Variants in WSCD1 observed in about 807,000 individuals in gnomAD.
WSCD1 encodes the protein WSC domain sialate O sulfotransferase 1.
WSCD1 carries 41 observed loss-of-function variants against 60.4 expected under a neutral mutation model. The ratio of observed to expected loss-of-function variants is 0.68; its 90% confidence interval spans 0.53 to 0.88. The LOEUF (loss-of-function observed/expected upper bound fraction) is 0.88, where lower values mean the gene tolerates loss of function less well. Among genes scored for constraint, WSCD1 ranks in the 40% least tolerant of loss-of-function variants. WSCD1 has a pLI of 0.00. For missense variants in WSCD1, 784 were observed against 796.2 expected (o/e 0.98, Z 0.18); for synonymous variants, 361 against 332.5 (o/e 1.09, Z -0.93).
At chr17:6,070,926 G>A (rs1908503865) in intron 1 of WSCD1, among the ~76,000 whole-genome samples, 1 of 151,806 alleles carries the variant, frequency 6.6e-6, no homozygotes, top group South Asian at 2.1e-4. Context: ...GGTGCGCGAG[G>A]CGCCGCACGA....
At chr17:6,102,048 G>A (rs879393520) in intron 5 of WSCD1, among the ~76,000 whole-genome samples, 5 of 152,202 alleles carry the variant, frequency 3.3e-5, no homozygotes, top group African/African-American at 4.8e-5. Context: ...AGGGAGAGGA[G>A]GAAGAAAGGT....
rs769219594 is a variant in WSCD1, at chr17:6,120,565, G to T, written c.1632G>T (p.Glu544Asp). 1 of 1,613,788 alleles carries T rather than the reference G, an allele frequency of 6.2e-7. No homozygotes were observed. Among genetic ancestry groups the T allele is most frequent in the Non-Finnish European group, 8.5e-7 (1 of 1,180,008 alleles). The change falls in exon 9 of 9, where the codon GAG becomes GAT. Residue 544 changes from glutamate to aspartate, a missense_variant. Physicochemically the swap from Glu to Asp is conservative, Grantham distance 45. Coordinates refer to ENST00000317744, the MANE Select transcript of WSCD1 (RefSeq NM_015253.2). The part of the protein sequence containing the change: ...RSHDPEPFTP[E>D]MKDLINGYIR... ...ACGACCCTGAGCCCTTCACCCCGGA[G>T]ATGAAAGACTTGATCAATGGCTACA... is the stretch of plus-strand genomic sequence containing the variant.
At chr17:6,112,288 A>G (rs1455648501) in intron 7 of WSCD1, among the ~76,000 whole-genome samples, 1 of 152,200 alleles carries the variant, frequency 6.6e-6, no homozygotes, top group African/African-American at 2.4e-5. Context: ...CAAATTAGGT[A>G]TAGAGGGAAC....
intron 1 of WSCD1, among the ~76,000 whole-genome samples, chr17:6,070,898 C>T: frequency 9.8e-6 from 1 of 102,438 alleles, no homozygotes; most frequent in East Asian, 3.1e-4. Flanking sequence ...GCGCTCGGCG[C>T]GGCCGGGATG....
upstream of WSCD1, among the ~76,000 whole-genome samples, chr17:6,069,597 A>AC (rs1908399287): frequency 6.6e-6 from 1 of 151,172 alleles, no homozygotes; most frequent in Non-Finnish European, 1.5e-5. Flanking sequence ...CCGGCGGCCG[A>AC]CCCCCGAGTG....
At chr17:6,077,906 T>C (rs1012884614) in intron 1 of WSCD1, 2 of 152,224 alleles carry the variant, frequency 1.3e-5, no homozygotes, top group Admixed American at 6.5e-5. Context: ...CCCCTCCTCA[T>C]AGAATTACAT....
intron 1 of WSCD1, among the ~76,000 whole-genome samples, chr17:6,078,835 T>A (rs1171420894): frequency 6.6e-6 from 1 of 152,088 alleles, no homozygotes; most frequent in African/African-American, 2.4e-5. Flanking sequence ...GGTCCAAAGC[T>A]GGAGGCAGAG....
intron 2 of WSCD1, among the ~76,000 whole-genome samples, chr17:6,085,875 C>T (rs776918885): frequency 1.3e-5 from 2 of 152,134 alleles, no homozygotes; most frequent in Admixed American, 1.3e-4. Context: ...TGCAGTGGTC[C>T]GTGCTGGTGG....
intron 7 of WSCD1, among the ~76,000 whole-genome samples, chr17:6,111,273 C>A (rs934136344): frequency 2.0e-5 from 3 of 152,128 alleles, no homozygotes; most frequent in African/African-American, 7.2e-5. Flanking sequence ...AAAACCTAAG[C>A]ATGCTACCCA....
intron 8 of WSCD1, 32 bp from the exon 9 acceptor site, chr17:6,120,277 C>T (rs779680757): frequency 1.7e-5 from 27 of 1,595,032 alleles, no homozygotes; most frequent in South Asian, 4.5e-5. Context: ...GGGCCAGCCC[C>T]CGACTCTGCA....
In WSCD1 at chr17:6,106,736, GGAATA is replaced by G. The variant is rs571447165; in HGVS notation, c.850-2869_850-2865del. Among the ~76,000 whole-genome samples the G allele has an allele frequency of 3.5e-3, 532 of 152,296 alleles. 5 individuals are homozygous for G. The highest frequency in any genetic ancestry group is 0.025 in the South Asian group (122 of 4,818). Reference sequence around the variant, plus strand: ...ACACAAAACTGTAAAGCATGGTGAGGGAATAGCATGTGGTGGTGATGGTGGGAAGG... The same window carrying G: ...ACACAAAACTGTAAAGCATGGTGAGGGCATGTGGTGGTGATGGTGGGAAGG... On this transcript the variant is annotated intron_variant, in intron 5 of 8. Transcript: ENST00000317744.
intron 8 of WSCD1, among the ~76,000 whole-genome samples, chr17:6,119,451 CA>C (rs1904506031): frequency 6.6e-6 from 1 of 152,200 alleles, no homozygotes; most frequent in Non-Finnish European, 1.5e-5. Flanking sequence ...TGAAGTTGGT[CA>C]GAAACAAAGC....
upstream of WSCD1, among the ~76,000 whole-genome samples, chr17:6,070,048 C>T (rs1016790907): frequency 6.6e-6 from 1 of 150,936 alleles, no homozygotes; most frequent in Non-Finnish European, 1.5e-5. Context: ...CTCCTCTGCG[C>T]GGCAGTGCCC....
In WSCD1 at chr17:6,109,777, C is replaced by T. The variant is rs745323733; in HGVS notation, c.1009+11C>T. 5 of 1,606,404 alleles carry T rather than the reference C, an allele frequency of 3.1e-6. No individual in the cohort carries two copies. The highest frequency in any genetic ancestry group is 4.3e-6 in the Non-Finnish European group (5 of 1,173,894). On this transcript the variant is annotated intron_variant, in intron 6 of 8. Coordinates refer to ENST00000317744, the MANE Select transcript of WSCD1 (RefSeq NM_015253.2). ...AGACACCTGTGCAAGGTGGGTTCTG[C>T]ATCCCCGACTGGTAGTGGCATTTGG...
intron 4 of WSCD1, among the ~76,000 whole-genome samples, chr17:6,093,937 C>T (rs773686134): frequency 5.3e-5 from 8 of 152,228 alleles, no homozygotes; most frequent in African/African-American, 1.7e-4. Flanking sequence ...GACACGTGCA[C>T]CACAGGTGCT....
At chr17:6,086,605 C>T (rs1214844846) in intron 2 of WSCD1, among the ~76,000 whole-genome samples, 5 of 152,118 alleles carry the variant, frequency 3.3e-5, no homozygotes, top group Admixed American at 6.5e-5. Context: ...CCACCCGCCC[C>T]GGCCTCCCAA....
At chr17:6,091,878 C>T (rs539935413) in intron 4 of WSCD1, among the ~76,000 whole-genome samples, 20 of 152,138 alleles carry the variant, frequency 1.3e-4, no homozygotes, top group East Asian at 1.9e-4. Flanking sequence ...TTGGAACAGC[C>T]GGGCGCGGTG....
rs774613797 is a variant in WSCD1 at position 6,095,189 on chromosome 17, C to G, written c.815C>G (p.Thr272Ser). The G allele has an allele frequency of 6.2e-7, 1 of 1,613,674 alleles. No individual in the cohort carries two copies. The highest frequency in any genetic ancestry group is 8.5e-7 in the Non-Finnish European group (1 of 1,179,800). The change falls in exon 5 of 9, where the codon ACC becomes AGC. Residue 272 changes from threonine to serine, a missense_variant. Physicochemically the swap from Thr to Ser is moderately conservative, Grantham distance 58. Coordinates refer to ENST00000317744, the MANE Select transcript of WSCD1 (RefSeq NM_015253.2). ...FPSSLIQANVTVGTCSGFCSQ... is the reference protein window; with the variant it reads ...FPSSLIQANVSVGTCSGFCSQ... ...AGCTCCCTGATACAGGCCAATGTGA[C>G]CGTGGGGACTTGCTCGGGCTTTTGT...
intron 1 of WSCD1, among the ~76,000 whole-genome samples, chr17:6,076,299 C>T (rs747345994): frequency 3.3e-5 from 5 of 152,194 alleles, no homozygotes; most frequent in Non-Finnish European, 5.9e-5. Flanking sequence ...GTGCACAGCC[C>T]AGTTCAACCT....
Sources: gnomAD v4.1 joint callset for allele counts (sites outside exome capture counted in the v4.1 genomes callset) on GRCh38, gnomAD v4.1.1 for gene constraint, MANE v1.5 for transcripts, NCBI Gene and HGNC (gene_info 2026-07-23, HGNC 2026-07-21) for gene names.